GPM6A: variants seen among roughly 807,000 people sequenced by gnomAD.
GPM6A encodes the protein neuronal membrane glycoprotein M6-a.
A neutral mutation model predicts 32.1 loss-of-function variants in GPM6A; 7 were observed. The ratio of observed to expected loss-of-function variants is 0.22; its 90% CI spans 0.12 to 0.41. GPM6A has a LOEUF of 0.41. GPM6A is among the 10% of genes least tolerant of loss of function. The pLI, the probability that GPM6A is intolerant of heterozygous loss-of-function variation, is 1.00. For missense variants in GPM6A, 235 were observed against 347.2 expected (o/e 0.68, Z 2.57); for synonymous variants, 130 against 123.4 (o/e 1.05, Z -0.35).
chr4:175,935,910 T>C (rs974162547), intron 1 of GPM6A, among the ~76,000 whole-genome samples: 3 of 152,078 alleles, frequency 2.0e-5, no homozygotes, highest in Admixed American at 2.0e-4. Flanking sequence ...TGTTAATTTG[T>C]TACAGCAATT....
At chr4:175,783,964 CT>C (rs149478630) in intron 1 of GPM6A, among the ~76,000 whole-genome samples, 8,350 of 152,052 alleles carry the variant, frequency 0.055, 753 homozygotes, top group African/African-American at 0.19. Flanking sequence ...CTTATCACCT[CT>C]CTTTAAAAGT....
chr4:175,926,977 A>C (rs1738861684), intron 1 of GPM6A, among the ~76,000 whole-genome samples: 1 of 152,230 alleles, frequency 6.6e-6, no homozygotes, highest in Admixed American at 6.5e-5. Flanking sequence ...ATAGGTGCCC[A>C]TGCTGTTAAT....
intron 1 of GPM6A, among the ~76,000 whole-genome samples, chr4:175,777,825 T>C (rs1733453901): frequency 6.6e-6 from 1 of 152,184 alleles, no homozygotes; most frequent in Non-Finnish European, 1.5e-5. Flanking sequence ...ATTTATTCAA[T>C]TGTAAAAAAT....
At position 175,651,829 on chromosome 4, in the gene GPM6A, C is replaced by T; in HGVS notation, c.541+5G>A. On this transcript the variant is annotated splice_donor_5th_base_variant and intron_variant, in intron 4 of 6. Coordinates refer to ENST00000393658, the MANE Select transcript of GPM6A (RefSeq NM_201591.3). ...TTACAGTTTAGAGATCCAATATCCA[C>T]TTACCAAACTGACGAAGGTCCAAGC... The T allele has an allele frequency of 6.2e-7, 1 of 1,610,524 alleles. No homozygotes were observed. The highest frequency in any genetic ancestry group is 1.3e-5 in the African/African-American group (1 of 74,870).
chr4:175,701,451 T>C (rs1744875128), intron 2 of GPM6A, 124 bp downstream of exon 2: 2 of 701,868 alleles, frequency 2.8e-6, no homozygotes, highest in African/African-American at 1.8e-5. Context: ...TTGAATCAGG[T>C]ATACCCTAAA....
intron 1 of GPM6A, among the ~76,000 whole-genome samples, chr4:175,882,673 C>T (rs966002690): frequency 1.3e-4 from 19 of 151,768 alleles, no homozygotes; most frequent in African/African-American, 4.3e-4. Flanking sequence ...TAGTATAAAC[C>T]AGGTGCTATG....
intron 1 of GPM6A, among the ~76,000 whole-genome samples, chr4:175,730,601 G>C (rs1001411838): frequency 6.6e-6 from 1 of 152,040 alleles, no homozygotes; most frequent in Non-Finnish European, 1.5e-5. Context: ...CTCCTGAGTA[G>C]GTGGGACTAC....
At chr4:175,651,413 C>T (rs1019405314) in intron 4 of GPM6A, among the ~76,000 whole-genome samples, 19 of 151,892 alleles carry the variant, frequency 1.3e-4, no homozygotes, top group Non-Finnish European at 1.0e-4. Flanking sequence ...ATGCTGCCCT[C>T]CCATTTCAGA....
chr4:175,992,366 C>A (rs1346233548), intron 1 of GPM6A, among the ~76,000 whole-genome samples: 1 of 152,054 alleles, frequency 6.6e-6, no homozygotes, highest in East Asian at 1.9e-4. Context: ...ATACCCAAAT[C>A]TGGTTGAAGC....
At chr4:175,696,674 A>G (rs1744598249) in intron 2 of GPM6A, among the ~76,000 whole-genome samples, 2 of 152,224 alleles carry the variant, frequency 1.3e-5, no homozygotes, top group Admixed American at 6.5e-5. Flanking sequence ...AGAATTCTTC[A>G]GCAATTAGGT....
intron 1 of GPM6A, among the ~76,000 whole-genome samples, chr4:175,727,128 T>C (rs1231898587): frequency 2.0e-5 from 3 of 152,194 alleles, no homozygotes; most frequent in Non-Finnish European, 4.4e-5. Context: ...TATACTACAT[T>C]TCACTGAAGG....
rs561399555 is a variant in GPM6A, at chr4:175,797,534, G to A, written c.37+14657C>T. On this transcript the variant is annotated intron_variant, in intron 1 of 6. Coordinates refer to ENST00000393658, the MANE Select transcript of GPM6A (RefSeq NM_201591.3). ...ACATGCATTAGCATTTTCAATAACC[G>A]TAGGCCATCTCAATCAATTTCCCCC... Among the ~76,000 whole-genome samples, 7 of 152,170 alleles carry A rather than the reference G, an allele frequency of 4.6e-5. No homozygotes were observed. The East Asian group carries it at 5.8e-4, about 13-fold the overall frequency.
intron 1 of GPM6A, among the ~76,000 whole-genome samples, chr4:175,851,111 C>A (rs1370104450): frequency 6.6e-6 from 1 of 152,124 alleles, no homozygotes; most frequent in Non-Finnish European, 1.5e-5. Context: ...GTAATCCCAG[C>A]ACTTTGGGGG....
At chr4:175,895,728 G>A (rs974604773) in intron 1 of GPM6A, among the ~76,000 whole-genome samples, 1 of 152,058 alleles carries the variant, frequency 6.6e-6, no homozygotes, top group African/African-American at 2.4e-5. Context: ...GTTGAAAATG[G>A]AATATTTATT....
chr4:175,916,718 GCAAT>G (rs1052679300), intron 1 of GPM6A, among the ~76,000 whole-genome samples: 29 of 152,252 alleles, frequency 1.9e-4, no homozygotes, highest in African/African-American at 5.8e-4. Context: ...AGAATCAGAT[GCAAT>G]CAATCAGAGG....
At chr4:175,684,834 G>A (rs528341448) in intron 2 of GPM6A, among the ~76,000 whole-genome samples, 27 of 151,688 alleles carry the variant, frequency 1.8e-4, no homozygotes, top group South Asian at 6.3e-4. Flanking sequence ...TCCCTTCTTT[G>A]TATTTTCTTA....
intron 1 of GPM6A, among the ~76,000 whole-genome samples, chr4:175,790,776 C>A (rs1312866526): frequency 6.6e-6 from 1 of 152,102 alleles, no homozygotes; most frequent in Non-Finnish European, 1.5e-5. Flanking sequence ...AATTAAAGGA[C>A]TTTGCAACAT....
chr4:175,996,039 A>C (rs1048917363), intron 1 of GPM6A, among the ~76,000 whole-genome samples: 25 of 152,308 alleles, frequency 1.6e-4, no homozygotes, highest in Non-Finnish European at 1.8e-4. Context: ...TGAAAATAGA[A>C]TGACCTCAAC....
At chr4:175,853,960 C>A (rs1261576215) in intron 1 of GPM6A, among the ~76,000 whole-genome samples, 4 of 152,110 alleles carry the variant, frequency 2.6e-5, no homozygotes, top group Non-Finnish European at 2.9e-5. Flanking sequence ...TAAATGCAGG[C>A]TGCCAGTTGA....
Sources: allele counts gnomAD v4.1 joint callset (sites outside exome capture counted in the v4.1 genomes callset), GRCh38; gene constraint gnomAD v4.1.1; transcripts MANE v1.5; gene names NCBI Gene and HGNC (gene_info 2026-07-23, HGNC 2026-07-21).